RFC3: variants seen among roughly 807,000 people sequenced by gnomAD.
The protein encoded by RFC3 is A1 38 kDa subunit.
RFC3 carries 41 observed loss-of-function variants against 45.1 expected under a neutral mutation model. The ratio of observed to expected loss-of-function variants is 0.91; its 90% CI spans 0.71 to 1.18. The LOEUF (loss-of-function observed/expected upper bound fraction) is 1.18, where lower values mean the gene tolerates loss of function less well. Among genes scored for constraint, RFC3 ranks in the 50% most tolerant of loss-of-function variants. RFC3 has a pLI of 0.00. For synonymous variants in RFC3, 149 were observed against 144.0 expected (o/e 1.03, Z -0.25); for missense variants, 423 against 428.1 (o/e 0.99, Z 0.10).
intron 8 of RFC3, among the ~76,000 whole-genome samples, chr13:33,873,604 G>T (rs1001893895): frequency 6.6e-6 from 1 of 152,122 alleles, no homozygotes; most frequent in Non-Finnish European, 1.5e-5. Flanking sequence ...TTTTGCAAAG[G>T]GACATGAAAG....
At chr13:33,962,156 C>A (rs2137867247) in intron 8 of RFC3, among the ~76,000 whole-genome samples, 1 of 152,240 alleles carries the variant, frequency 6.6e-6, no homozygotes, top group Non-Finnish European at 1.5e-5. Context: ...ATCCTTTTCC[C>A]AAACTTCCTC....
chr13:33,913,212 C>T (rs554210151), intron 8 of RFC3, among the ~76,000 whole-genome samples: 6 of 152,178 alleles, frequency 3.9e-5, no homozygotes, highest in African/African-American at 1.4e-4. Flanking sequence ...ATAAGGAGAT[C>T]AAATTCCACC....
At chr13:33,929,404 T>G (rs2082837902) in intron 8 of RFC3, among the ~76,000 whole-genome samples, 1 of 152,136 alleles carries the variant, frequency 6.6e-6, no homozygotes. Context: ...AAACTATACT[T>G]TCTTTATAGA....
chr13:33,821,133 T>G lies in RFC3; in HGVS notation c.89T>G (p.Val30Gly), dbSNP rs1475426667. 3 of 1,613,382 alleles carry G rather than the reference T, an allele frequency of 1.9e-6. No individual in the cohort carries two copies. Among genetic ancestry groups the G allele is most frequent in the Non-Finnish European group, 2.5e-6 (3 of 1,179,584 alleles). ...KEQAAQLRNL[V>G]QCGDFPHLLV... ...AAATGCCTTGTTCTTTTTTTTCAGGTGCAGTGTGGTGACTTTCCTCATCTG... is the reference window on the plus strand; with the variant it reads ...AAATGCCTTGTTCTTTTTTTTCAGGGGCAGTGTGGTGACTTTCCTCATCTG... Residue 30 changes from valine (V) to glycine (G), a missense_variant and splice_region_variant, in exon 2 of 9, where the codon GTG (valine) becomes GGG (glycine). Val to Gly is a moderately radical substitution (Grantham distance 109, BLOSUM62 -3). Transcript: ENST00000380071.
intron 8 of RFC3, among the ~76,000 whole-genome samples, chr13:33,908,430 C>G (rs1452360337): frequency 6.6e-6 from 1 of 151,946 alleles, no homozygotes; most frequent in Non-Finnish European, 1.5e-5. Flanking sequence ...ACTGGGTTCT[C>G]TATGATGTAG....
intron 8 of RFC3, among the ~76,000 whole-genome samples, chr13:33,900,127 C>G (rs2082630404): frequency 6.6e-6 from 1 of 151,862 alleles, no homozygotes; most frequent in African/African-American, 2.4e-5. Flanking sequence ...AGAATCAATG[C>G]AATCCCTATC....
intron 8 of RFC3, among the ~76,000 whole-genome samples, chr13:33,950,766 TTCTC>T (rs142596118): frequency 6.6e-6 from 1 of 150,960 alleles, no homozygotes; most frequent in African/African-American, 2.4e-5. Context: ...TCTCTTCTCT[TTCTC>T]TCTCTCTCTC....
chr13:33,916,384 A>T (rs571166547), intron 8 of RFC3, among the ~76,000 whole-genome samples: 1 of 152,288 alleles, frequency 6.6e-6, no homozygotes, highest in East Asian at 1.9e-4. Context: ...CTTGTATATT[A>T]TTCTATTCAA....
chr13:33,930,582 C>T (rs1266653991), intron 8 of RFC3, among the ~76,000 whole-genome samples: 1 of 152,128 alleles, frequency 6.6e-6, no homozygotes, highest in Non-Finnish European at 1.5e-5. Context: ...AAATGTTAAT[C>T]TCCTTTGGCA....
At chr13:33,963,751 GA>G (rs2083071447) in intron 8 of RFC3, among the ~76,000 whole-genome samples, 1 of 152,170 alleles carries the variant, frequency 6.6e-6, no homozygotes, top group South Asian at 2.1e-4. Context: ...GACAGTTAAT[GA>G]AGAGAAAGTG....
At chr13:33,884,420 G>C (rs1202438078) in intron 8 of RFC3, among the ~76,000 whole-genome samples, 1 of 152,180 alleles carries the variant, frequency 6.6e-6, no homozygotes, top group Non-Finnish European at 1.5e-5. Flanking sequence ...AATCTAGCCT[G>C]ATTTAGAAGA....
chr13:33,820,160 CCAAACCAGACTGAT>C (rs2081988842), intron 1 of RFC3, among the ~76,000 whole-genome samples: 1 of 152,142 alleles, frequency 6.6e-6, no homozygotes, highest in Non-Finnish European at 1.5e-5. Context: ...GCACTGGTTC[CCAAACCAGACTGAT>C]CATCAGAAAC....
At chr13:33,975,788 A>G in the RFC3 span, among the ~76,000 whole-genome samples, 1 of 152,178 alleles carries the variant, frequency 6.6e-6, no homozygotes, top group Non-Finnish European at 1.5e-5. Context: ...AAACCCCTAT[A>G]CATGTATACT....
rs2082273470 is a variant in RFC3, at chr13:33,851,071, C to T, written c.879+15854C>T. ...AACCCTCCATGGAATGAGAAATTAA[C>T]ATCATGAACTAGATTGATTCTTATG... On this transcript the variant is annotated intron_variant, in intron 8 of 8. Transcript: ENST00000434425. Among the ~76,000 whole-genome samples the T allele has an allele frequency of 1.3e-5, 2 of 152,116 alleles. 1 individual carries two copies. The highest frequency in any genetic ancestry group is 4.1e-4 in the South Asian group (2 of 4,834).
Position 33,836,492 on chromosome 13 carries a change from C to T in RFC3, c.*197C>T. 1 of 1,322,338 alleles carries T rather than the reference C, an allele frequency of 7.6e-7. No individual in the cohort carries two copies. Among genetic ancestry groups the T allele is most frequent in the Non-Finnish European group, 9.7e-7 (1 of 1,032,626 alleles). 81.9% of individuals were successfully genotyped at this position (1,322,338 alleles called of 1,614,324 possible). On this transcript the variant is annotated 3_prime_UTR_variant, in exon 9 of 9. Transcript: ENST00000380071. Reference sequence around the variant, plus strand: ...TACTATTGAAGTATGTAGTTTTGTACATAACTTAGAGACTTTAGAGTCTAA... The same window carrying T: ...TACTATTGAAGTATGTAGTTTTGTATATAACTTAGAGACTTTAGAGTCTAA...
chr13:33,916,495 G>A (rs978116048), intron 8 of RFC3, among the ~76,000 whole-genome samples: 1 of 152,134 alleles, frequency 6.6e-6, no homozygotes, highest in African/African-American at 2.4e-5. Flanking sequence ...TGGGTAGAAA[G>A]CATTCTGCAT....
At chr13:33,970,634 G>A (rs1449316912), downstream of RFC3, among the ~76,000 whole-genome samples, 4 of 152,210 alleles carry the variant, frequency 2.6e-5, no homozygotes, top group African/African-American at 9.6e-5. Flanking sequence ...CACCAGTAGG[G>A]GAAAGGGAAA....
chr13:33,944,246 C>A (rs1299059586), intron 8 of RFC3, among the ~76,000 whole-genome samples: 1 of 152,132 alleles, frequency 6.6e-6, no homozygotes, highest in African/African-American at 2.4e-5. Flanking sequence ...TTTTCTTGTG[C>A]AATTAAAAGT....
intron 8 of RFC3, among the ~76,000 whole-genome samples, chr13:33,868,722 T>C (rs779511334): frequency 2.6e-5 from 4 of 152,152 alleles, no homozygotes; most frequent in Non-Finnish European, 5.9e-5. Context: ...CTCTGTGGAG[T>C]GTACGGGAGT....
Sources: gnomAD v4.1 joint callset for allele counts (sites outside exome capture counted in the v4.1 genomes callset) on GRCh38, gnomAD v4.1.1 for gene constraint, MANE v1.5 for transcripts, NCBI Gene and HGNC (gene_info 2026-07-23, HGNC 2026-07-21) for gene names.